Variants in BMPR1B observed in about 807,000 individuals in gnomAD.
The protein encoded by BMPR1B is bone morphogenetic protein receptor type 1B, also known as bone morphogenetic protein receptor type-1B.
Under a neutral mutation model 59.1 loss-of-function variants are expected in BMPR1B, and 12 were observed. The ratio of observed to expected loss-of-function variants is 0.20; its 90% CI spans 0.13 to 0.33. BMPR1B has a LOEUF of 0.33. BMPR1B is among the 10% of genes least tolerant of loss of function. The probability of loss-of-function intolerance (pLI) is 1.00; values close to 1 mark genes in which losing one functional copy is unlikely to be tolerated. For synonymous variants in BMPR1B, 237 were observed against 207.3 expected (o/e 1.14, Z -1.23); for missense variants, 550 against 610.9 (o/e 0.90, Z 1.05).
At chr4:94,775,789 G>T (rs536153402) in intron 1 of BMPR1B, among the ~76,000 whole-genome samples, 1 of 152,186 alleles carries the variant, frequency 6.6e-6, no homozygotes, top group African/African-American at 2.4e-5. Flanking sequence ...TTATTACTAC[G>T]GTTAGAAATT....
chr4:94,987,640 A>C (rs1197930190), intron 2 of BMPR1B, among the ~76,000 whole-genome samples: 1 of 151,994 alleles, frequency 6.6e-6, no homozygotes, highest in African/African-American at 2.4e-5. Flanking sequence ...CTTTCCTTTT[A>C]GCTGACATAA....
intron 1 of BMPR1B, among the ~76,000 whole-genome samples, chr4:94,777,280 A>G (rs1722408299): frequency 6.6e-6 from 1 of 152,130 alleles, no homozygotes; most frequent in African/African-American, 2.4e-5. Flanking sequence ...TAAGCCTCAG[A>G]AAAAGAAAAC....
intron 3 of BMPR1B, among the ~76,000 whole-genome samples, chr4:95,008,415 T>G (rs1723001156): frequency 6.6e-6 from 1 of 152,172 alleles, no homozygotes. Flanking sequence ...CACTTATTCT[T>G]GTTGAGGTTC....
At chr4:94,978,824 A>C (rs1731124753) in intron 2 of BMPR1B, among the ~76,000 whole-genome samples, 1 of 152,004 alleles carries the variant, frequency 6.6e-6, no homozygotes. Flanking sequence ...ATTTATAAAG[A>C]AAAAGAGGTT....
chr4:94,783,807 C>G (rs904845987), intron 1 of BMPR1B, among the ~76,000 whole-genome samples: 2 of 152,150 alleles, frequency 1.3e-5, no homozygotes, highest in Non-Finnish European at 2.9e-5. Flanking sequence ...GAAGCTCTGA[C>G]CACTTGGCCA....
At chr4:94,842,287 G>T (rs6858126) in intron 1 of BMPR1B, among the ~76,000 whole-genome samples, 92,879 of 151,572 alleles carry the variant, frequency 0.61, 29,414 homozygotes, top group African/African-American at 0.78. Flanking sequence ...TATACCAGGA[G>T]ATAAGTTTAA....
chr4:94,965,095 C>T (rs1328952033), intron 2 of BMPR1B, among the ~76,000 whole-genome samples: 1 of 152,116 alleles, frequency 6.6e-6, no homozygotes, highest in Non-Finnish European at 1.5e-5. Context: ...CCCAGTACCA[C>T]TCAGATTCAT....
intron 1 of BMPR1B, among the ~76,000 whole-genome samples, chr4:94,811,618 G>C (rs1578671247): frequency 6.6e-6 from 1 of 151,970 alleles, no homozygotes; most frequent in South Asian, 2.1e-4. Flanking sequence ...AAAAAATCAG[G>C]CTTATACAAA....
chr4:94,764,874 G>A (rs938762834), intron 1 of BMPR1B, among the ~76,000 whole-genome samples: 1 of 152,090 alleles, frequency 6.6e-6, no homozygotes, highest in African/African-American at 2.4e-5. Context: ...ACAAAAAGGT[G>A]GATGTTTGCC....
chr4:94,881,219 G>C (rs1387173680), intron 2 of BMPR1B, among the ~76,000 whole-genome samples: 2 of 151,940 alleles, frequency 1.3e-5, no homozygotes, highest in East Asian at 3.9e-4. Context: ...CTCAGTCCTT[G>C]GCAACCCCCA....
At chr4:95,050,545 G>A (rs1726424164) in intron 3 of BMPR1B, among the ~76,000 whole-genome samples, 1 of 152,142 alleles carries the variant, frequency 6.6e-6, no homozygotes, top group South Asian at 2.1e-4. Flanking sequence ...AGTGCTGGGA[G>A]GTGCAGGATG....
intron 1 of BMPR1B, among the ~76,000 whole-genome samples, chr4:94,826,948 C>T (rs979406818): frequency 6.6e-6 from 1 of 152,048 alleles, no homozygotes. Context: ...GTAAAACTTG[C>T]AGCATAATAC....
intron 1 of BMPR1B, among the ~76,000 whole-genome samples, chr4:94,800,610 A>T (rs767884931): frequency 6.6e-6 from 1 of 152,036 alleles, no homozygotes. Flanking sequence ...GCATTTCTTT[A>T]TCTGTGTGAC....
chr4:94,831,233 TAA>T (rs34088781), intron 1 of BMPR1B, among the ~76,000 whole-genome samples: 13 of 88,512 alleles, frequency 1.5e-4, no homozygotes, highest in South Asian at 3.5e-4. Context: ...GTTTAAAAAG[TAA>T]AAAAAAAAAA....
At chr4:94,928,725 T>C (rs1218631157) in intron 2 of BMPR1B, among the ~76,000 whole-genome samples, 2 of 152,106 alleles carry the variant, frequency 1.3e-5, no homozygotes, top group Non-Finnish European at 2.9e-5. Context: ...GCCCCTTATT[T>C]TTGCTCATTG....
chr4:95,031,344 A>T (rs1348134081), intron 3 of BMPR1B, among the ~76,000 whole-genome samples: 1 of 152,184 alleles, frequency 6.6e-6, no homozygotes, highest in African/African-American at 2.4e-5. Context: ...GAATGACATG[A>T]CTGGACCCTG....
intron 2 of BMPR1B, among the ~76,000 whole-genome samples, chr4:94,956,992 CTT>C (rs1178478416): frequency 2.0e-5 from 3 of 152,084 alleles, no homozygotes; most frequent in African/African-American, 7.2e-5. Flanking sequence ...GTAAAGCAGT[CTT>C]TTAAATTGTA....
intron 3 of BMPR1B, among the ~76,000 whole-genome samples, chr4:95,040,907 G>T (rs781158704): frequency 1.3e-5 from 2 of 152,082 alleles, no homozygotes; most frequent in African/African-American, 2.4e-5. Flanking sequence ...TCATCCACTC[G>T]TGTGCCTTCT....
chr4:95,149,002 A>T, intron 11 of BMPR1B, 79 bp downstream of exon 11: 5 of 1,538,936 alleles, frequency 3.2e-6, no homozygotes, highest in Non-Finnish European at 4.5e-6. Context: ...AATCAAAGTT[A>T]TCATACTGTC....
Sources: allele counts gnomAD v4.1 joint callset (sites outside exome capture counted in the v4.1 genomes callset), GRCh38; gene constraint gnomAD v4.1.1; transcripts MANE v1.5; gene names NCBI Gene and HGNC (gene_info 2026-07-23, HGNC 2026-07-21).